PARD3B: variants seen among roughly 807,000 people sequenced by gnomAD.
PARD3B encodes partitioning defective 3 homolog B.
Under a neutral mutation model 130.2 loss-of-function variants are expected in PARD3B, and 103 were observed. That is an observed-to-expected ratio of 0.79 (90% CI 0.67 to 0.93). PARD3B has a LOEUF of 0.93. Ranked by LOEUF, PARD3B falls within the 40% of genes least tolerant of loss-of-function variation. PARD3B has a pLI of 0.00. For synonymous variants in PARD3B, 583 were observed against 553.2 expected, an observed-to-expected ratio of 1.05 and a Z score of -0.76; for missense variants, 1,609 against 1,499.2, an observed-to-expected ratio of 1.07 and a Z score of -1.21.
chr2:205,409,918 G>A (rs975941614), intron 19 of PARD3B, among the ~76,000 whole-genome samples: 16 of 152,026 alleles, frequency 1.1e-4, no homozygotes, highest in South Asian at 4.2e-4. Context: ...TTTAAATTTC[G>A]CTGATCCAGG....
chr2:205,136,409 A>G lies in PARD3B; in HGVS notation c.1434+10672A>G, dbSNP rs544714258. ...ATTAAATTACATTAAATGCCATTGA[A>G]GATGGCAGTGATGGCAGTAGAATAG... On this transcript the variant is annotated intron_variant, in intron 10 of 22. Coordinates refer to ENST00000406610, the MANE Select transcript of PARD3B (RefSeq NM_001302769.2). Among the ~76,000 whole-genome samples, 3 of 152,352 alleles carry G rather than the reference A, an allele frequency of 2.0e-5. No homozygotes were observed. In the South Asian group the frequency reaches 6.2e-4, roughly 32 times the overall value.
intron 2 of PARD3B, among the ~76,000 whole-genome samples, chr2:204,892,578 A>G (rs1380487313): frequency 6.6e-6 from 1 of 152,196 alleles, no homozygotes; most frequent in African/African-American, 2.4e-5. Context: ...AAATCATCTG[A>G]TATATAATTA....
chr2:205,292,169 G>A lies in PARD3B; in HGVS notation c.2186-8361G>A, dbSNP rs1408793949. On this transcript the variant is annotated intron_variant, in intron 16 of 22. Coordinates refer to ENST00000406610, the MANE Select transcript of PARD3B (RefSeq NM_001302769.2). This position sits in a 1 kb window ranked among gnomAD's most constrained non-coding sequence, Gnocchi z 5.3. ...GAGGCTATCCCTCCCAAGGGCACAG[G>A]CAGCAACTTTGGTGGCATCCACACA... Among the ~76,000 whole-genome samples the A allele has an allele frequency of 6.6e-5, 10 of 152,130 alleles. No individual in the cohort carries two copies.
Position 204,829,954 on chromosome 2 carries a change from G to C in PARD3B, c.223-135198G>C, listed in dbSNP as rs558257494. On this transcript the variant is annotated intron_variant, in intron 2 of 22. Transcript: ENST00000406610. ...GCGGAGCTTGCAGTGAGCCGAGATCGCGCCACTGCACTCCAGCCTGGGCGA... is the reference window on the plus strand; with the variant it reads ...GCGGAGCTTGCAGTGAGCCGAGATCCCGCCACTGCACTCCAGCCTGGGCGA... Among the ~76,000 whole-genome samples the C allele has an allele frequency of 1.3e-4, 19 of 140,830 alleles. No homozygotes were observed. In the East Asian group the frequency reaches 1.7e-3, roughly 12 times the overall value. 92.4% of individuals were successfully genotyped at this position (140,830 alleles called of 152,430 possible).
At chr2:204,671,387 T>G (rs1301107300) in intron 1 of PARD3B, among the ~76,000 whole-genome samples, 1 of 152,176 alleles carries the variant, frequency 6.6e-6, no homozygotes, top group Admixed American at 6.5e-5. Flanking sequence ...TTATCCTTCC[T>G]TAAAGAATTT....
chr2:204,616,005 A>G (rs2034097565), intron 1 of PARD3B, among the ~76,000 whole-genome samples: 2 of 152,208 alleles, frequency 1.3e-5, no homozygotes, highest in South Asian at 2.1e-4. Context: ...TACATGTACC[A>G]TGCACAACTG....
At chr2:205,065,751 G>A (rs1257055887) in intron 4 of PARD3B, among the ~76,000 whole-genome samples, 1 of 152,040 alleles carries the variant, frequency 6.6e-6, no homozygotes, top group Non-Finnish European at 1.5e-5. Context: ...CTCTCTCTTT[G>A]CATTTTTTGC....
intron 2 of PARD3B, among the ~76,000 whole-genome samples, chr2:204,941,807 A>G (rs1688925878): frequency 6.6e-6 from 1 of 150,766 alleles, no homozygotes; most frequent in Non-Finnish European, 1.5e-5. Flanking sequence ...GGTTTTTTTT[A>G]GAGTTCTCAT....
chr2:204,707,390 G>A (rs1679973679), intron 2 of PARD3B, among the ~76,000 whole-genome samples: 2 of 152,162 alleles, frequency 1.3e-5, no homozygotes, highest in African/African-American at 4.8e-5. Context: ...GTTTTTTGAC[G>A]AAATCACTGT....
chr2:205,095,262 G>A (rs1702329291), intron 4 of PARD3B, among the ~76,000 whole-genome samples: 1 of 152,068 alleles, frequency 6.6e-6, no homozygotes, highest in East Asian at 1.9e-4. Flanking sequence ...CTGAATGTGG[G>A]AAAGAATCCA....
chr2:205,557,031 C>T (rs1448905306), intron 22 of PARD3B, among the ~76,000 whole-genome samples: 2 of 152,116 alleles, frequency 1.3e-5, no homozygotes, highest in East Asian at 1.9e-4. Flanking sequence ...ATCCCTGGCC[C>T]CATGGGATCC....
intron 2 of PARD3B, among the ~76,000 whole-genome samples, chr2:204,834,193 A>C (rs190774625): frequency 6.6e-6 from 1 of 151,886 alleles, no homozygotes; most frequent in Non-Finnish European, 1.5e-5. Flanking sequence ...GATTGTTTTT[A>C]TGTATTTATT....
chr2:205,587,652 T>C (rs1202699625), intron 22 of PARD3B, among the ~76,000 whole-genome samples: 2 of 152,218 alleles, frequency 1.3e-5, no homozygotes, highest in African/African-American at 4.8e-5. Context: ...CACTCAGGTA[T>C]TGGGCTATTT....
intron 2 of PARD3B, among the ~76,000 whole-genome samples, chr2:204,711,323 ACT>A (rs2038422260): frequency 1.3e-5 from 2 of 152,118 alleles, no homozygotes; most frequent in South Asian, 4.2e-4. Context: ...TTTAAACAAG[ACT>A]CTAGATTGAT....
rs2053453013 is a variant in PARD3B, at chr2:205,568,741, C to G, written c.3260+15338C>G. On this transcript the variant is annotated intron_variant, in intron 22 of 22. Transcript: ENST00000406610. This position sits in a 1 kb window ranked among gnomAD's most constrained non-coding sequence, Gnocchi z 5.3. ...AAACTCAGGGATTCGTCAGATGGCC[C>G]TGGTCGTGTGTCTTCCATGGTCTCC... 6.6e-6 allele frequency among the ~76,000 whole-genome samples: 1 copy of G among 152,172 alleles called. No homozygotes were observed. The highest frequency in any genetic ancestry group is 6.5e-5 in the Admixed American group (1 of 15,278).
At position 204,997,486 on chromosome 2, in the gene PARD3B, C is replaced by G. The variant is rs182441447; in HGVS notation, c.394+32163C>G. Among the ~76,000 whole-genome samples, 27 of 152,158 alleles carry G rather than the reference C, an allele frequency of 1.8e-4. 1 individual carries two copies. The East Asian group carries it at 5.2e-3, about 29-fold the overall frequency. On this transcript the variant is annotated intron_variant, in intron 3 of 22. Coordinates refer to ENST00000406610, the MANE Select transcript of PARD3B (RefSeq NM_001302769.2). ...CCTATTTGGATCTATTCCTAAGTAC[C>G]TGATATTTTGATGCTATTATAAAGA... is the stretch of plus-strand genomic sequence containing the variant.
chr2:204,964,852 G>T (rs912326366), intron 2 of PARD3B, among the ~76,000 whole-genome samples: 3 of 152,082 alleles, frequency 2.0e-5, no homozygotes, highest in Admixed American at 2.0e-4. Flanking sequence ...GGGAAGGTGG[G>T]GTAGTGGGAA....
chr2:205,303,787 A>G (rs984972450), intron 18 of PARD3B, among the ~76,000 whole-genome samples: 1 of 152,206 alleles, frequency 6.6e-6, no homozygotes, highest in African/African-American at 2.4e-5. Context: ...AAGTGGGGTG[A>G]CAATCTCCTA....
chr2:205,026,582 A>G (rs966944896), intron 3 of PARD3B, among the ~76,000 whole-genome samples: 2 of 152,088 alleles, frequency 1.3e-5, no homozygotes, highest in African/African-American at 4.8e-5. Flanking sequence ...CAGGTAAACA[A>G]CACAGTATTA....
Sources: allele counts gnomAD v4.1 joint callset (sites outside exome capture counted in the v4.1 genomes callset), GRCh38; gene constraint gnomAD v4.1.1; non-coding constraint Gnocchi (gnomAD v3.1); transcripts MANE v1.5; gene names NCBI Gene and HGNC (gene_info 2026-07-23, HGNC 2026-07-21).